GPR137B: variants seen among roughly 807,000 people sequenced by gnomAD.
GPR137B encodes the protein G protein-coupled receptor 137B, also known as integral membrane protein GPR137B.
A neutral mutation model predicts 42.5 loss-of-function variants in GPR137B; 42 were observed. The observed-to-expected ratio is 0.99, with a 90% confidence interval of 0.77 to 1.28. GPR137B has a LOEUF of 1.28. Ranked by LOEUF, GPR137B falls within the 50% of genes most tolerant of loss-of-function variation. The probability of loss-of-function intolerance (pLI) is 0.00; values close to 1 mark genes in which losing one functional copy is unlikely to be tolerated. For synonymous variants in GPR137B, 218 were observed against 209.7 expected, an observed-to-expected ratio of 1.04 and a Z score of -0.34; for missense variants, 487 against 493.9, an observed-to-expected ratio of 0.99 and a Z score of 0.13.
In GPR137B at chr1:236,158,455, A is replaced by G. The variant is rs181460597; in HGVS notation, c.415-10251A>G. On this transcript the variant is annotated intron_variant, in intron 1 of 6. Coordinates refer to ENST00000366592, the MANE Select transcript of GPR137B (RefSeq NM_003272.4). Reference sequence around the variant, plus strand: ...CAAACAAACAAAACATAGCTGGAGCAAACGTGGCAAAGTATTAAGGATGGA... The same window carrying G: ...CAAACAAACAAAACATAGCTGGAGCGAACGTGGCAAAGTATTAAGGATGGA... Among the ~76,000 whole-genome samples, 718 of 152,318 alleles carry G rather than the reference A, an allele frequency of 4.7e-3. 6 individuals carry two copies. The highest frequency in any genetic ancestry group is 0.016 in the African/African-American group (649 of 41,572).
At chr1:236,143,284 G>T (rs1247278617) in intron 1 of GPR137B, among the ~76,000 whole-genome samples, 1 of 152,276 alleles carries the variant, frequency 6.6e-6, no homozygotes, top group Admixed American at 6.5e-5. Flanking sequence ...CCGCTCACTC[G>T]CTGCCCCTGG....
intron 5 of GPR137B, among the ~76,000 whole-genome samples, chr1:236,192,241 T>C (rs1663209012): frequency 1.3e-5 from 2 of 152,246 alleles, no homozygotes; most frequent in South Asian, 2.1e-4. Context: ...TTCAAACCAG[T>C]GGATCTTAGT....
rs1662024677 is a variant in GPR137B at position 236,156,251 on chromosome 1, C to G, written c.415-12455C>G. 6.6e-6 allele frequency among the ~76,000 whole-genome samples: 1 copy of G among 152,210 alleles called. No individual in the cohort carries two copies. The highest frequency in any genetic ancestry group is 2.4e-5 in the African/African-American group (1 of 41,452). On this transcript the variant is annotated intron_variant, in intron 1 of 6. Coordinates refer to ENST00000366592, the MANE Select transcript of GPR137B (RefSeq NM_003272.4). This position sits in a 1 kb window ranked among gnomAD's most constrained non-coding sequence, Gnocchi z 4.8. ...ACCAGCTTCTTGGGCCACATGCTTGCCAAAGTCAAAGGTGGGAGGTGATGC... is the reference window on the plus strand; with the variant it reads ...ACCAGCTTCTTGGGCCACATGCTTGGCAAAGTCAAAGGTGGGAGGTGATGC...
intron 5 of GPR137B, among the ~76,000 whole-genome samples, chr1:236,198,586 A>G (rs1315591167): frequency 6.6e-6 from 1 of 151,916 alleles, no homozygotes; most frequent in African/African-American, 2.4e-5. Context: ...TATTGATTCT[A>G]CCCATCTGTG....
intron 2 of GPR137B, among the ~76,000 whole-genome samples, chr1:236,175,383 A>C (rs895665804): frequency 5.3e-5 from 8 of 152,088 alleles, no homozygotes; most frequent in African/African-American, 1.7e-4. Context: ...GCACAGTTCA[A>C]ACCTGTATTG....
chr1:236,204,356 G>C lies in GPR137B; in HGVS notation c.967-770G>C, dbSNP rs186394447. ...GCATCAATATTTATCAGAGATATTG[G>C]CCTACAGTTTTATGTGTCTTTGGTT... On this transcript the variant is annotated intron_variant, in intron 5 of 6. Transcript: ENST00000366592. 7.9e-5 allele frequency among the ~76,000 whole-genome samples: 12 copies of C among 152,200 alleles called. No individual in the cohort carries two copies. The South Asian group carries it at 1.9e-3, about 24-fold the overall frequency.
At position 236,155,003 on chromosome 1, in the gene GPR137B, CAT is replaced by C. The variant is rs967090971; in HGVS notation, c.414+11969_414+11970del. On this transcript the variant is annotated intron_variant, in intron 1 of 6. Coordinates refer to ENST00000366592, the MANE Select transcript of GPR137B (RefSeq NM_003272.4). The surrounding 1 kb of genome is among the most constrained non-coding windows in gnomAD (Gnocchi z 4.6). Reference sequence around the variant, plus strand: ...AATTTGTGGTTAAGCAGTTAAGAAACATAACAGTGATGGTAGGGCCTTGTGTG... The same window carrying C: ...AATTTGTGGTTAAGCAGTTAAGAAACAACAGTGATGGTAGGGCCTTGTGTG... 6.6e-6 allele frequency among the ~76,000 whole-genome samples: 1 copy of C among 152,240 alleles called. No individual in the cohort carries two copies. Among genetic ancestry groups the C allele is most frequent in the African/African-American group, 2.4e-5 (1 of 41,464 alleles).
intron 3 of GPR137B, among the ~76,000 whole-genome samples, chr1:236,179,647 C>T (rs1662808273): frequency 6.6e-6 from 1 of 152,176 alleles, no homozygotes; most frequent in South Asian, 2.1e-4. Context: ...GAAAATGGTG[C>T]ATATTTTAAC....
chr1:236,203,626 C>A (rs1372392730), intron 5 of GPR137B, among the ~76,000 whole-genome samples: 1 of 152,142 alleles, frequency 6.6e-6, no homozygotes, highest in African/African-American at 2.4e-5. Flanking sequence ...GCCATTTTAA[C>A]AATATTGATT....
intron 1 of GPR137B, among the ~76,000 whole-genome samples, chr1:236,148,081 C>A (rs936874127): frequency 1.3e-5 from 2 of 152,216 alleles, no homozygotes; most frequent in African/African-American, 4.8e-5. Context: ...GGCTTTGCAC[C>A]AAGGCCTTTG....
At chr1:236,178,836 C>T (rs944964242) in intron 3 of GPR137B, among the ~76,000 whole-genome samples, 200 bp downstream of exon 3, 5 of 70,018 alleles carry the variant, frequency 7.1e-5, no homozygotes, top group Non-Finnish European at 1.6e-4. Flanking sequence ...CTCACTCTGT[C>T]TCCCAGGCTG....
intron 1 of GPR137B, among the ~76,000 whole-genome samples, chr1:236,167,794 T>TGCTGTA (rs1277535244): frequency 1.3e-5 from 2 of 152,134 alleles, no homozygotes; most frequent in African/African-American, 2.4e-5. Flanking sequence ...CTCCAGCACG[T>TGCTGTA]GCTGTAGCAG....
intron 1 of GPR137B, among the ~76,000 whole-genome samples, chr1:236,166,504 T>TTA (rs956656899): frequency 1.3e-4 from 18 of 142,642 alleles, no homozygotes; most frequent in Admixed American, 1.0e-3. Flanking sequence ...ATATATATAT[T>TTA]TATATATATA....
At chr1:236,154,974 C>A (rs1159828331) in intron 1 of GPR137B, among the ~76,000 whole-genome samples, 1 of 152,168 alleles carries the variant, frequency 6.6e-6, no homozygotes, top group Admixed American at 6.5e-5. Flanking sequence ...AAACTGTGAA[C>A]TGCAATTTGT....
intron 1 of GPR137B, 51 bp downstream of exon 1, chr1:236,143,087 G>C: frequency 6.6e-7 from 1 of 1,522,362 alleles, no homozygotes. Context: ...GGTGGTCCCC[G>C]CGGGGCGCCC....
chr1:236,205,695 C>T (rs950622100), intron 6 of GPR137B, among the ~76,000 whole-genome samples: 3 of 152,126 alleles, frequency 2.0e-5, no homozygotes, highest in Admixed American at 6.5e-5. Context: ...TGTGCGCCAC[C>T]GCACCCAGCA....
intron 1 of GPR137B, among the ~76,000 whole-genome samples, chr1:236,144,680 G>C (rs1661634210): frequency 6.6e-6 from 1 of 152,214 alleles, no homozygotes; most frequent in Admixed American, 6.5e-5. Context: ...TCAGGCAGTC[G>C]GCTGCATTGC....
chr1:236,207,795 T>C (rs935347754), intron 6 of GPR137B, among the ~76,000 whole-genome samples: 15 of 152,282 alleles, frequency 9.9e-5, no homozygotes, highest in African/African-American at 3.6e-4. Flanking sequence ...ACATTTCCTA[T>C]GCATAGTGAC....
At chr1:236,198,192 C>T (rs1558495591) in intron 5 of GPR137B, among the ~76,000 whole-genome samples, 1 of 152,022 alleles carries the variant, frequency 6.6e-6, no homozygotes, top group Non-Finnish European at 1.5e-5. Flanking sequence ...TTTTCTATTT[C>T]TGTGAAGAAT....
Sources: gnomAD v4.1 joint callset for allele counts (sites outside exome capture counted in the v4.1 genomes callset) on GRCh38, gnomAD v4.1.1 for gene constraint, Gnocchi (gnomAD v3.1) non-coding constraint, MANE v1.5 for transcripts, NCBI Gene and HGNC (gene_info 2026-07-23, HGNC 2026-07-21) for gene names.